Variants in TRHDE observed in about 807,000 individuals in gnomAD.
TRHDE encodes thyrotropin releasing hormone degrading enzyme.
In TRHDE, 72 loss-of-function variants were observed where a neutral mutation model predicts 125.7. The observed-to-expected ratio is 0.57, with a 90% confidence interval of 0.47 to 0.70. TRHDE has a LOEUF of 0.70. Ranked by LOEUF, TRHDE falls within the 30% of genes least tolerant of loss-of-function variation. The probability of loss-of-function intolerance (pLI) is 0.00; values close to 1 mark genes in which losing one functional copy is unlikely to be tolerated. For missense variants in TRHDE, 1,110 were observed against 1,327.1 expected (o/e 0.84, Z 2.54); for synonymous variants, 509 against 509.1 (o/e 1.00, Z 0.00).
At chr12:72,613,427 T>A (rs1249140444) in intron 12 of TRHDE, among the ~76,000 whole-genome samples, 1 of 152,150 alleles carries the variant, frequency 6.6e-6, no homozygotes, top group Non-Finnish European at 1.5e-5. Flanking sequence ...ATGCTTAATT[T>A]AAAAAAATGG....
chr12:72,374,293 G>GTT (rs1491494972), intron 2 of TRHDE, among the ~76,000 whole-genome samples: 1 of 34,072 alleles, frequency 2.9e-5, no homozygotes, highest in Non-Finnish European at 9.1e-5. Context: ...AGAAGGAGAA[G>GTT]TGTGTGTGTG....
rs1414125608 is a variant in TRHDE at position 72,499,654 on chromosome 12, G to C, written c.1722+19G>C. On this transcript the variant is annotated intron_variant, in intron 6 of 18. Transcript: ENST00000261180. ...TAAAAAGGTGGGAATAAAGAACAAA[G>C]TGCCAATTAGATATTTCATTACCAA... The C allele has an allele frequency of 9.9e-6, 16 of 1,610,516 alleles. No individual in the cohort carries two copies. Among genetic ancestry groups the C allele is most frequent in the Non-Finnish European group, 1.3e-5 (15 of 1,178,264 alleles).
At chr12:72,173,651 A>G (rs1202604004) in intron 2 of TRHDE, among the ~76,000 whole-genome samples, 2 of 152,186 alleles carry the variant, frequency 1.3e-5, no homozygotes, top group Non-Finnish European at 2.9e-5. Context: ...AAAGGATTTT[A>G]TTATGAAATA....
intron 5 of TRHDE, among the ~76,000 whole-genome samples, chr12:72,497,408 G>A (rs1877968212): frequency 6.6e-6 from 1 of 152,028 alleles, no homozygotes; most frequent in African/African-American, 2.4e-5. Flanking sequence ...TGATCAATAT[G>A]TATTTATTGT....
intron 7 of TRHDE, among the ~76,000 whole-genome samples, chr12:72,542,863 A>T (rs899329349): frequency 7.3e-5 from 11 of 151,296 alleles, no homozygotes; most frequent in Non-Finnish European, 1.6e-4. Context: ...TTAAAAAAGG[A>T]AGAAAAAGAT....
intron 5 of TRHDE, among the ~76,000 whole-genome samples, chr12:72,489,280 C>T (rs1452587595): frequency 6.8e-6 from 1 of 147,582 alleles, no homozygotes; most frequent in African/African-American, 2.5e-5. Context: ...AAAAAGAAGA[C>T]TCAAACAAAA....
At position 72,542,297 on chromosome 12, in the gene TRHDE, G is replaced by A. The variant is rs1367688516; in HGVS notation, c.1729G>A (p.Ala577Thr). The A allele has an allele frequency of 3.1e-6, 5 of 1,603,484 alleles. No homozygotes were observed. The highest frequency in any genetic ancestry group is 2.7e-5 in the African/African-American group (2 of 74,470). The change falls in exon 7 of 19, where the codon GCT becomes ACT. Residue 577 changes from alanine to threonine, a missense_variant. Coordinates refer to ENST00000261180, the MANE Select transcript of TRHDE (RefSeq NM_013381.3). Reference sequence around the variant, plus strand: ...TTATTATTCTTTCCTATAGGGTGCTGCTTTAATAAGAATGCTGGCTAATTT... The same window carrying A: ...TTATTATTCTTTCCTATAGGGTGCTACTTTAATAAGAATGCTGGCTAATTT... ...FDWIAYKKGA[A>T]LIRMLANFMG...
intron 15 of TRHDE, among the ~76,000 whole-genome samples, chr12:72,634,285 A>T (rs1050167086): frequency 6.6e-6 from 1 of 152,160 alleles, no homozygotes; most frequent in African/African-American, 2.4e-5. Context: ...AAATGAGAAT[A>T]GAGGACACTA....
rs1871974256 is a variant in TRHDE at position 72,378,042 on chromosome 12, C to T, written c.1236C>T (p.Asp412=). ...RPDAIRRGSG[D]YALHITKRLI... is the part of the protein sequence containing the mutation. ...ATGCTATCAGAAGAGGATCCGGGGA[C>T]TATGCTCTCCATATAACAAAGAGAT... Residue 412 remains aspartate, a synonymous_variant, in exon 3 of 19, where the codon GAC becomes GAT. Coordinates refer to ENST00000261180, the MANE Select transcript of TRHDE (RefSeq NM_013381.3). 6.2e-7 allele frequency: 1 copy of T among 1,606,474 alleles called. No individual in the cohort carries two copies. The highest frequency in any genetic ancestry group is 1.3e-5 in the African/African-American group (1 of 74,662).
chr12:72,295,367 C>G (rs1880254475), intron 2 of TRHDE, among the ~76,000 whole-genome samples: 1 of 152,154 alleles, frequency 6.6e-6, no homozygotes, highest in African/African-American at 2.4e-5. Context: ...ATGGCAGCAG[C>G]TGCTCCAGAT....
At chr12:72,355,427 G>C (rs779844173) in intron 2 of TRHDE, among the ~76,000 whole-genome samples, 1 of 151,000 alleles carries the variant, frequency 6.6e-6, no homozygotes, top group Non-Finnish European at 1.5e-5. Flanking sequence ...TGGTAAAATT[G>C]CCTTCTAAAA....
At position 72,570,832 on chromosome 12, in the gene TRHDE, A is replaced by G. The variant is rs966177406; in HGVS notation, c.2131+2176A>G. On this transcript the variant is annotated intron_variant, in intron 10 of 18. Coordinates refer to ENST00000261180, the MANE Select transcript of TRHDE (RefSeq NM_013381.3). The stretch of plus-strand genomic sequence containing the variant: ...GCTATTTGCACAGGCGGTGATATGA[A>G]TGGCACAGGCCCTCACCCCAAAGTT... Among the ~76,000 whole-genome samples the G allele has an allele frequency of 9.2e-5, 14 of 152,192 alleles. No individual in the cohort carries two copies. In the South Asian group the frequency reaches 1.9e-3, roughly 20 times the overall value.
At chr12:72,142,923 A>G (rs1876150635) in intron 2 of TRHDE, among the ~76,000 whole-genome samples, 1 of 151,972 alleles carries the variant, frequency 6.6e-6, no homozygotes, top group Non-Finnish European at 1.5e-5. Flanking sequence ...ACCACTCAAT[A>G]AAACCTTGCA....
intron 3 of TRHDE, among the ~76,000 whole-genome samples, chr12:72,467,915 C>A (rs1300166453): frequency 2.6e-5 from 4 of 152,172 alleles, no homozygotes; most frequent in Admixed American, 2.6e-4. Context: ...AGACTGTTGA[C>A]TATTTTATTC....
chr12:72,420,162 G>A (rs1218407998), intron 3 of TRHDE, among the ~76,000 whole-genome samples: 1 of 152,062 alleles, frequency 6.6e-6, no homozygotes, highest in African/African-American at 2.4e-5. Flanking sequence ...GTAGATTCAG[G>A]CCACCCCATG....
intron 2 of TRHDE, among the ~76,000 whole-genome samples, chr12:72,108,746 G>C (rs1875247488): frequency 6.6e-6 from 1 of 151,884 alleles, no homozygotes; most frequent in Non-Finnish European, 1.5e-5. Context: ...AAGAATACGG[G>C]AACATAAAAC....
intron 3 of TRHDE, among the ~76,000 whole-genome samples, chr12:72,456,414 G>A (rs559136747): frequency 2.4e-4 from 36 of 152,104 alleles, no homozygotes; most frequent in Admixed American, 8.5e-4. Flanking sequence ...TTAGAGTACT[G>A]GCTTTCATTT....
At chr12:72,438,876 C>A (rs1874867985) in intron 3 of TRHDE, among the ~76,000 whole-genome samples, 1 of 151,738 alleles carries the variant, frequency 6.6e-6, no homozygotes, top group South Asian at 2.1e-4. Context: ...GGAGCATTTC[C>A]CCTTTTAGTA....
chr12:72,417,777 A>C (rs1198818022), intron 3 of TRHDE, among the ~76,000 whole-genome samples: 1 of 151,948 alleles, frequency 6.6e-6, no homozygotes, highest in Non-Finnish European at 1.5e-5. Context: ...AGATCATCAT[A>C]ATTTCCTCAA....
Sources: gnomAD v4.1 joint callset for allele counts (sites outside exome capture counted in the v4.1 genomes callset) on GRCh38, gnomAD v4.1.1 for gene constraint, MANE v1.5 for transcripts, NCBI Gene and HGNC (gene_info 2026-07-23, HGNC 2026-07-21) for gene names.